The following ANO8 variants were observed in gnomAD, a reference collection of about 807,000 sequenced individuals.
The protein encoded by ANO8 is anoctamin-8.
Under a neutral mutation model 120.4 loss-of-function variants are expected in ANO8, and 67 were observed. The ratio of observed to expected loss-of-function variants is 0.56; its 90% CI spans 0.46 to 0.68. ANO8 has a LOEUF of 0.68. ANO8 is among the 30% of genes least tolerant of loss of function. The probability of loss-of-function intolerance (pLI) is 0.00; values close to 1 mark genes in which losing one functional copy is unlikely to be tolerated. For missense variants in ANO8, 1,526 were observed against 1,737.6 expected (o/e 0.88, Z 2.16); for synonymous variants, 727 against 759.2 (o/e 0.96, Z 0.70).
At chr19:17,329,734 T>G in intron 12 of ANO8, 23 bp downstream of exon 12, 1 of 1,602,148 alleles carries the variant, frequency 6.2e-7, no homozygotes, top group Non-Finnish European at 8.5e-7. Flanking sequence ...CAGGGGGGAC[T>G]GCCGCTGGGG....
Position 17,325,140 on chromosome 19 carries a change from G to A in ANO8, c.2908C>T (p.Leu970=), listed in dbSNP as rs779334041. 1 of 1,613,672 alleles carries A rather than the reference G, an allele frequency of 6.2e-7. No homozygotes were observed. Among genetic ancestry groups the A allele is most frequent in the South Asian group, 1.1e-5 (1 of 91,080 alleles). ...AACTTCATGACGTTGTTGGGTGCCA[G>A]CAGGGACCCTGGGCGCTTGGGCCGT... ...PERPKRPGSL[L]APNNVMKLKQ... The change falls in exon 17 of 18, where the codon CTG becomes TTG. Residue 970 remains leucine (L), a synonymous_variant. Coordinates refer to ENST00000159087, the MANE Select transcript of ANO8 (RefSeq NM_020959.3).
At chr19:17,329,881 T>C in intron 11 of ANO8, 50 bp from the exon 12 acceptor site, 1 of 1,613,658 alleles carries the variant, frequency 6.2e-7, no homozygotes. Context: ...ACCCGACTCC[T>C]TGGAGCCTTC....
rs199523416 is a variant in ANO8, at chr19:17,324,738, G to A, written c.3310C>T (p.Arg1104Trp). The change falls in exon 17 of 18, where the codon CGG becomes TGG. Residue 1104 changes from arginine to tryptophan, a missense_variant. Around this residue, in one of 8 missense-constraint regions of ANO8, gnomAD observed 489 missense variants for 548.6 expected, o/e 0.89. Coordinates refer to ENST00000159087, the MANE Select transcript of ANO8 (RefSeq NM_020959.3). ...EALAEELEAP[R>W]PEEEGSGTAL... ...TGACCTGAGCCTTCCTCTTCGGGCC[G>A]GGGGGCTTCCAGCTCCTCAGCCAGG... 9.8e-5 allele frequency: 150 copies of A among 1,527,462 alleles called. No homozygotes were observed. The highest frequency in any genetic ancestry group is 6.4e-4 in the African/African-American group (46 of 72,008). The allele number at this position is 1,527,462 out of a possible 1,614,324, so 94.6% of individuals were successfully genotyped here.
chr19:17,323,348 C>A lies in ANO8; in HGVS notation c.*169G>T. On this transcript the variant is annotated 3_prime_UTR_variant, in exon 18 of 18. Transcript: ENST00000159087. Reference sequence around the variant, plus strand: ...GTGTGTGTGTGTGTGTGTGTGTTTTCTGTTGGATTTGTGGGTTTCCTTTCG... The same window carrying A: ...GTGTGTGTGTGTGTGTGTGTGTTTTATGTTGGATTTGTGGGTTTCCTTTCG... 3.6e-6 allele frequency: 1 copy of A among 278,980 alleles called. No homozygotes were observed. The highest frequency in any genetic ancestry group is 6.4e-6 in the Non-Finnish European group (1 of 155,872). 17.3% of individuals were successfully genotyped at this position (278,980 alleles called of 1,614,324 possible).
intron 17 of ANO8, among the ~76,000 whole-genome samples, chr19:17,324,260 G>T (rs2074258130): frequency 1.3e-5 from 2 of 152,094 alleles, no homozygotes; most frequent in Non-Finnish European, 2.9e-5. Flanking sequence ...CTCAGCACAT[G>T]TGGGAGCTCC....
intron 10 of ANO8, 42 bp downstream of exon 10, chr19:17,330,083 C>T (rs1050944459): frequency 9.3e-6 from 15 of 1,611,864 alleles, no homozygotes; most frequent in Non-Finnish European, 1.2e-5. Flanking sequence ...TCCCAAGGGG[C>T]AGTGGAGACC....
chr19:17,328,517 G>A lies in ANO8; in HGVS notation c.1871C>T (p.Ala624Val). ...GCTTGGGCCGGGCCGACGCCGCCCC[G>A]CGCCGCGCTCAGCGAAGCTGACCTT... ...LKKVSFAERG[A>V]GRRRPGPSPE... Residue 624 changes from alanine (A) to valine (V), a missense_variant, in exon 13 of 18, where the codon GCG becomes GTG. Coordinates refer to ENST00000159087, the MANE Select transcript of ANO8 (RefSeq NM_020959.3). The A allele has an allele frequency of 3.2e-6, 5 of 1,552,050 alleles. No individual in the cohort carries two copies. Among genetic ancestry groups the A allele is most frequent in the South Asian group, 1.2e-5 (1 of 84,444 alleles).
chr19:17,323,574 G>A lies in ANO8; in HGVS notation c.3642C>T (p.Pro1214=). 6 of 1,287,868 alleles carry A rather than the reference G, an allele frequency of 4.7e-6. No homozygotes were observed. The highest frequency in any genetic ancestry group is 5.9e-6 in the Non-Finnish European group (6 of 1,015,202). 79.8% of individuals were successfully genotyped at this position (1,287,868 alleles called of 1,614,324 possible). The stretch of plus-strand genomic sequence containing the variant: ...GGGGGCTGGGGCTGGGGCTAGGGGA[G>A]GGCGCTGGGGTCTCGAGGGGATCCG... ...PTSDPLETPA[P]SPSPSPSPQA... Residue 1214 remains proline, a synonymous_variant, in exon 18 of 18, where the codon CCC becomes CCT. Transcript: ENST00000159087.
Position 17,333,339 on chromosome 19 carries a change from G to A in ANO8, c.350+83C>T. The A allele has an allele frequency of 6.2e-7, 1 of 1,607,170 alleles. No individual in the cohort carries two copies. Among genetic ancestry groups the A allele is most frequent in the South Asian group, 1.1e-5 (1 of 90,874 alleles). On this transcript the variant is annotated intron_variant, in intron 3 of 17. Transcript: ENST00000159087. The surrounding 1 kb of genome is among the most constrained non-coding windows in gnomAD (Gnocchi z 7.2). ...TGGCAGCCTTTGGGACAAACGCAGGGCGGCTGGATAGCATGGTTGGCACTT... is the reference window on the plus strand; with the variant it reads ...TGGCAGCCTTTGGGACAAACGCAGGACGGCTGGATAGCATGGTTGGCACTT...
At chr19:17,327,652 T>C in intron 14 of ANO8, 37 bp downstream of exon 14, 1 of 1,609,098 alleles carries the variant, frequency 6.2e-7, no homozygotes, top group Non-Finnish European at 8.5e-7. Flanking sequence ...CTGGGCTCCC[T>C]CTGGGCCTCA....
rs761557486 is a variant in ANO8, at chr19:17,324,732, C to T, written c.3316G>A (p.Glu1106Lys). The change falls in exon 17 of 18, where the codon GAA (glutamate) becomes AAA (lysine). Residue 1106 changes from glutamate (E) to lysine (K), a missense_variant. By Grantham distance (56) the Glu-to-Lys change is moderately conservative. Coordinates refer to ENST00000159087, the MANE Select transcript of ANO8 (RefSeq NM_020959.3). ...LAEELEAPRP[E>K]EEGSGTALAP... ...AGCTTGTGACCTGAGCCTTCCTCTT[C>T]GGGCCGGGGGGCTTCCAGCTCCTCA... The T allele has an allele frequency of 8.5e-6, 13 of 1,524,708 alleles. No individual in the cohort carries two copies. Among genetic ancestry groups the T allele is most frequent in the Middle Eastern group, 1.8e-4 (1 of 5,634 alleles). 94.4% of individuals were successfully genotyped at this position (1,524,708 alleles called of 1,614,324 possible). A position where few individuals can be genotyped will look rare whatever the true frequency, so the allele number is the denominator to read the frequency against.
chr19:17,324,697 C>T lies in ANO8; in HGVS notation c.3331+20G>A. On this transcript the variant is annotated intron_variant, in intron 17 of 17. Transcript: ENST00000159087. The stretch of plus-strand genomic sequence containing the variant: ...CCAAAGCCGGCCCGGCGTCCCCACC[C>T]CCGAGTTAAAGCTTGTGACCTGAGC... 6.6e-7 allele frequency: 1 copy of T among 1,516,000 alleles called. No individual in the cohort carries two copies. Among genetic ancestry groups the T allele is most frequent in the East Asian group, 2.3e-5 (1 of 43,916 alleles). 93.9% of individuals were successfully genotyped at this position (1,516,000 alleles called of 1,614,324 possible).
At position 17,323,382 on chromosome 19, in the gene ANO8, G is replaced by T; in HGVS notation, c.*135C>A. On this transcript the variant is annotated 3_prime_UTR_variant, in exon 18 of 18. Transcript: ENST00000159087. ...TTGTGGGTTTCCTTTCGTTTGGAAA[G>T]GAAAACGGCAGATGGGGGGCACCGA... 1 of 774,694 alleles carries T rather than the reference G, an allele frequency of 1.3e-6. No individual in the cohort carries two copies. Among genetic ancestry groups the T allele is most frequent in the Non-Finnish European group, 1.8e-6 (1 of 558,038 alleles). 48.0% of individuals were successfully genotyped at this position (774,694 alleles called of 1,614,324 possible).
At position 17,327,588 on chromosome 19, in the gene ANO8, G is replaced by A. The variant is rs990248775; in HGVS notation, c.2419-19C>T. ...TCACCTTCTGCAGGGCGGCAGGAGGGCTCAGGCGGGGTCCAGCCGGCCTCC... is the reference window on the plus strand; with the variant it reads ...TCACCTTCTGCAGGGCGGCAGGAGGACTCAGGCGGGGTCCAGCCGGCCTCC... On this transcript the variant is annotated intron_variant, in intron 14 of 17. Coordinates refer to ENST00000159087, the MANE Select transcript of ANO8 (RefSeq NM_020959.3). The A allele has an allele frequency of 2.5e-6, 4 of 1,612,690 alleles. No individual in the cohort carries two copies. Among genetic ancestry groups the A allele is most frequent in the Non-Finnish European group, 3.4e-6 (4 of 1,179,520 alleles).
rs749671728 is a variant in ANO8, at chr19:17,333,487, G to A, written c.285C>T (p.Ile95=). 3.1e-6 allele frequency: 5 copies of A among 1,613,272 alleles called. No individual in the cohort carries two copies. In the African/African-American group the frequency reaches 4.0e-5, roughly 13 times the overall value. The change falls in exon 3 of 18, where the codon ATC becomes ATT. Residue 95 remains isoleucine, a synonymous_variant. Coordinates refer to ENST00000159087, the MANE Select transcript of ANO8 (RefSeq NM_020959.3). The surrounding 1 kb of genome is among the most constrained non-coding windows in gnomAD (Gnocchi z 7.2). ...TGTGGCGGTGGTGGCGGACTTGCAC[G>A]ATGAGCTCGGGAATGCCCACGCGGA... ...NHIRVGIPEL[I]VQVRHHRHTR...
At position 17,334,478 on chromosome 19, in the gene ANO8, G is replaced by C. The variant is rs1004799360; in HGVS notation, c.106+87C>G. 8 of 1,211,798 alleles carry C rather than the reference G, an allele frequency of 6.6e-6. No homozygotes were observed. In the African/African-American group the frequency reaches 1.1e-4, roughly 17 times the overall value. The allele number at this position is 1,211,798 out of a possible 1,614,324, so 75.1% of individuals were successfully genotyped here. Reference sequence around the variant, plus strand: ...TCGTCCAGACACCACGCCAGGTTACGTTTGACCCTGATCCTCCTCCCCGTG... The same window carrying C: ...TCGTCCAGACACCACGCCAGGTTACCTTTGACCCTGATCCTCCTCCCCGTG... On this transcript the variant is annotated intron_variant, in intron 1 of 17. Transcript: ENST00000159087.
At chr19:17,329,406 G>A (rs1434907336) in intron 12 of ANO8, 1 of 385,754 alleles carries the variant, frequency 2.6e-6, no homozygotes, top group East Asian at 4.9e-5. Context: ...CCACCTGCCC[G>A]TACTTTGGCC....
rs766210820 is a variant in ANO8, at chr19:17,323,467, C to T, written c.*50G>A. 4 of 1,285,754 alleles carry T rather than the reference C, an allele frequency of 3.1e-6. No homozygotes were observed. Among genetic ancestry groups the T allele is most frequent in the South Asian group, 3.2e-5 (1 of 31,226 alleles). 79.6% of individuals were successfully genotyped at this position (1,285,754 alleles called of 1,614,324 possible). A position where few individuals can be genotyped will look rare whatever the true frequency, so the allele number is the denominator to read the frequency against. On this transcript the variant is annotated 3_prime_UTR_variant, in exon 18 of 18. Transcript: ENST00000159087. ...TTTGCATTTTGGAGACCGGCCGCCC[C>T]TGTGAATGACTGATATTGCATATGA...
Position 17,327,231 on chromosome 19 carries a change from C to T in ANO8, c.2661+4G>A, listed in dbSNP as rs762144992. The T allele has an allele frequency of 3.3e-6, 5 of 1,530,244 alleles. No homozygotes were observed. The highest frequency in any genetic ancestry group is 4.4e-6 in the Non-Finnish European group (5 of 1,134,054). 94.8% of individuals were successfully genotyped at this position (1,530,244 alleles called of 1,614,324 possible). A position where few individuals can be genotyped will look rare whatever the true frequency, so the allele number is the denominator to read the frequency against. On this transcript the variant is annotated splice_donor_region_variant and intron_variant, in intron 16 of 17. Transcript: ENST00000159087. ...GAAAACCGAGCCCAGCCTGGCCCCC[C>T]TACCTTAAAGGCCTCGCGGCGCTGG...
Sources: allele counts gnomAD v4.1 joint callset (sites outside exome capture counted in the v4.1 genomes callset), GRCh38; gene constraint gnomAD v4.1.1; regional missense constraint gnomAD v4.1.1; non-coding constraint Gnocchi (gnomAD v3.1); transcripts MANE v1.5; gene names NCBI Gene and HGNC (gene_info 2026-07-23, HGNC 2026-07-21).